Variants in DOCK1 observed in about 807,000 individuals in gnomAD.
DOCK1 encodes the protein dedicator of cytokinesis protein 1.
A neutral mutation model predicts 262.7 loss-of-function variants in DOCK1; 138 were observed. The observed-to-expected ratio is 0.53, with a 90% CI of 0.46 to 0.61. The LOEUF (loss-of-function observed/expected upper bound fraction) is 0.61, where lower values mean the gene tolerates loss of function less well. Among genes scored for constraint, DOCK1 ranks in the 20% least tolerant of loss-of-function variants. The probability of loss-of-function intolerance (pLI) is 0.00; values close to 1 mark genes in which losing one functional copy is unlikely to be tolerated. For synonymous variants in DOCK1, 866 were observed against 867.4 expected (o/e 1.00, Z 0.03); for missense variants, 1,908 against 2,370.7 (o/e 0.80, Z 4.05).
At chr10:127,069,207 T>C (rs535015468) in intron 23 of DOCK1, among the ~76,000 whole-genome samples, 1 of 152,330 alleles carries the variant, frequency 6.6e-6, no homozygotes, top group East Asian at 1.9e-4. Context: ...CACTTCCTTC[T>C]ATGCTTCTTG....
chr10:127,007,039 GC>G (rs2041084387), intron 10 of DOCK1, among the ~76,000 whole-genome samples: 1 of 152,218 alleles, frequency 6.6e-6, no homozygotes, highest in Non-Finnish European at 1.5e-5. Context: ...CCCCAAGAGT[GC>G]TGGAAGCTGG....
intron 23 of DOCK1, among the ~76,000 whole-genome samples, chr10:127,080,077 A>G (rs888615827): frequency 6.6e-5 from 10 of 152,160 alleles, no homozygotes; most frequent in South Asian, 6.2e-4. Context: ...CACCTCTTAC[A>G]GCTAGGAAAA....
intron 25 of DOCK1, among the ~76,000 whole-genome samples, chr10:127,124,638 T>C (rs578110775): frequency 2.0e-4 from 31 of 152,352 alleles, no homozygotes; most frequent in African/African-American, 7.2e-4. Context: ...CTTCATTTTA[T>C]AGCCATGCGT....
At chr10:127,405,762 C>T (rs1450142334) in intron 40 of DOCK1, among the ~76,000 whole-genome samples, 1 of 152,146 alleles carries the variant, frequency 6.6e-6, no homozygotes, top group Non-Finnish European at 1.5e-5. Context: ...TGGCTGCCCA[C>T]TCAGTGTCCT....
intron 1 of DOCK1, among the ~76,000 whole-genome samples, chr10:126,960,723 AAT>A (rs1159655828): frequency 0.011 from 1,534 of 134,436 alleles, 21 homozygotes; most frequent in African/African-American, 0.029. Flanking sequence ...CCTACCCTCA[AAT>A]ATATATATAT....
At chr10:126,948,603 G>C (rs1300371952) in intron 1 of DOCK1, among the ~76,000 whole-genome samples, 3 of 151,948 alleles carry the variant, frequency 2.0e-5, no homozygotes, top group African/African-American at 7.2e-5. Flanking sequence ...AAATGCTCCA[G>C]GCCACAGATG....
At chr10:127,231,040 C>T (rs966550637) in intron 27 of DOCK1, among the ~76,000 whole-genome samples, 1 of 151,748 alleles carries the variant, frequency 6.6e-6, no homozygotes, top group Non-Finnish European at 1.5e-5. Flanking sequence ...TTAATTATTC[C>T]TAAGTCTTTT....
At chr10:127,314,927 C>T (rs1375216560) in intron 29 of DOCK1, among the ~76,000 whole-genome samples, 1 of 152,212 alleles carries the variant, frequency 6.6e-6, no homozygotes, top group Admixed American at 6.5e-5. Context: ...CTGCCACTCA[C>T]ATGGGCAGAC....
chr10:127,113,562 AG>A (rs2048995745), intron 25 of DOCK1, among the ~76,000 whole-genome samples: 2 of 152,322 alleles, frequency 1.3e-5, no homozygotes, highest in Middle Eastern at 3.4e-3. Flanking sequence ...TTTCGTTGCC[AG>A]GTCTGGGTCC....
intron 38 of DOCK1, among the ~76,000 whole-genome samples, chr10:127,388,777 T>G (rs2066286979): frequency 6.6e-6 from 1 of 152,176 alleles, no homozygotes; most frequent in Admixed American, 6.5e-5. Flanking sequence ...GGAGATCACA[T>G]GATCACCCCA....
intron 1 of DOCK1, among the ~76,000 whole-genome samples, chr10:126,967,785 C>T (rs894531457): frequency 2.0e-5 from 3 of 152,252 alleles, no homozygotes; most frequent in Non-Finnish European, 2.9e-5. Flanking sequence ...TGGATTGATC[C>T]AGGATTAACG....
chr10:127,424,549 G>A (rs1469646430), intron 46 of DOCK1, among the ~76,000 whole-genome samples: 3 of 152,126 alleles, frequency 2.0e-5, no homozygotes, highest in Non-Finnish European at 2.9e-5. Flanking sequence ...TCCAGAGAGA[G>A]ACCCAACACA....
chr10:127,069,527 A>C (rs2135909345), intron 23 of DOCK1, among the ~76,000 whole-genome samples: 1 of 152,278 alleles, frequency 6.6e-6, no homozygotes, highest in Non-Finnish European at 1.5e-5. Context: ...TTTTGAGTGG[A>C]GGAGGGGGTG....
intron 25 of DOCK1, 112 bp from the exon 26 acceptor site, chr10:127,125,362 C>G: frequency 6.8e-7 from 1 of 1,464,218 alleles, no homozygotes; most frequent in Middle Eastern, 2.4e-4. Flanking sequence ...GTCAGTTCCA[C>G]GTGTTGCACA....
chr10:127,046,360 C>G (rs1258191541), intron 21 of DOCK1, among the ~76,000 whole-genome samples: 1 of 152,172 alleles, frequency 6.6e-6, no homozygotes, highest in Admixed American at 6.5e-5. Context: ...CTCTTCAGAA[C>G]AGCGAGCAGG....
rs770239906 is a variant in DOCK1, at chr10:127,172,634, T to C, written c.2847+44870T>C. On this transcript the variant is annotated intron_variant, in intron 27 of 51. Coordinates refer to ENST00000623213, the MANE Select transcript of DOCK1 (RefSeq NM_001290223.2). Reference sequence around the variant, plus strand: ...CATAAGGTGGCACTTGATTCTTTGCTATCTGAGTCCAGAGGGCTCTGAGAG... The same window carrying C: ...CATAAGGTGGCACTTGATTCTTTGCCATCTGAGTCCAGAGGGCTCTGAGAG... Among the ~76,000 whole-genome samples, 39 of 152,210 alleles carry C rather than the reference T, an allele frequency of 2.6e-4. 1 individual carries two copies. The highest frequency in any genetic ancestry group is 5.9e-5 in the Non-Finnish European group (4 of 68,032).
intron 27 of DOCK1, among the ~76,000 whole-genome samples, chr10:127,237,087 G>A (rs560437649): frequency 2.6e-5 from 4 of 152,080 alleles, no homozygotes; most frequent in East Asian, 1.9e-4. Flanking sequence ...GGCCGGGCGC[G>A]GTGACTCTCG....
At chr10:127,305,587 C>T (rs2061843918) in intron 29 of DOCK1, among the ~76,000 whole-genome samples, 1 of 152,062 alleles carries the variant, frequency 6.6e-6, no homozygotes, top group Non-Finnish European at 1.5e-5. Context: ...TGAGATGTGC[C>T]CTCAGGGAGC....
At chr10:127,011,847 G>A (rs1401943617) in intron 11 of DOCK1, among the ~76,000 whole-genome samples, 1 of 151,764 alleles carries the variant, frequency 6.6e-6, no homozygotes, top group African/African-American at 2.4e-5. Context: ...CTTGACCTAT[G>A]CTATGTTCAG....
Sources: gnomAD v4.1 joint callset for allele counts (sites outside exome capture counted in the v4.1 genomes callset) on GRCh38, gnomAD v4.1.1 for gene constraint, MANE v1.5 for transcripts, NCBI Gene and HGNC (gene_info 2026-07-23, HGNC 2026-07-21) for gene names.